The following ROBO1 variants were observed in gnomAD, a reference collection of about 807,000 sequenced individuals.
ROBO1 encodes the protein roundabout homolog 1.
In ROBO1, 149 loss-of-function variants were observed where a neutral mutation model predicts 195.9. The observed-to-expected ratio is 0.76, with a 90% CI of 0.67 to 0.87. The LOEUF is 0.87. Among genes scored for constraint, ROBO1 ranks in the 40% least tolerant of loss-of-function variants. The pLI is 0.00. For synonymous variants in ROBO1, 816 were observed against 733.2 expected, an observed-to-expected ratio of 1.11 and a Z score of -1.82; for missense variants, 1,933 against 2,068.3, an observed-to-expected ratio of 0.93 and a Z score of 1.27.
At chr3:79,725,295 C>G (rs1438484466) in intron 1 of ROBO1, among the ~76,000 whole-genome samples, 1 of 141,046 alleles carries the variant, frequency 7.1e-6, no homozygotes, top group Non-Finnish European at 1.5e-5. Context: ...GGCGCGATCT[C>G]GGCTCACTGC....
chr3:79,609,421 G>C (rs1200548616), intron 1 of ROBO1, among the ~76,000 whole-genome samples: 1 of 151,860 alleles, frequency 6.6e-6, no homozygotes, highest in African/African-American at 2.4e-5. Context: ...AAATGTGGCA[G>C]ACATTATAGA....
intron 2 of ROBO1, among the ~76,000 whole-genome samples, chr3:79,395,405 CTT>C (rs990519136): frequency 6.7e-6 from 1 of 150,240 alleles, no homozygotes; most frequent in African/African-American, 2.4e-5. Context: ...AAGCAGTACT[CTT>C]TGAAGTCTTG....
chr3:78,992,020 A>C (rs187192331), intron 3 of ROBO1, among the ~76,000 whole-genome samples: 1 of 152,362 alleles, frequency 6.6e-6, no homozygotes, highest in East Asian at 1.9e-4. Flanking sequence ...TACATTTTAA[A>C]TTATGGCTAA....
intron 2 of ROBO1, among the ~76,000 whole-genome samples, chr3:79,471,454 T>A (rs1316114813): frequency 1.3e-5 from 2 of 152,278 alleles, no homozygotes; most frequent in African/African-American, 2.4e-5. Context: ...ATATTATGAA[T>A]TCATTGATTT....
chr3:78,670,372 AGTT>A (rs777697475), intron 10 of ROBO1, 71 bp from the exon 11 acceptor site: 4 of 1,305,234 alleles, frequency 3.1e-6, no homozygotes, highest in South Asian at 2.6e-5. Context: ...AAGCAACAGC[AGTT>A]GTTCTAGGCT....
chr3:79,065,126 T>C (rs1450938891), intron 3 of ROBO1, among the ~76,000 whole-genome samples: 2 of 151,966 alleles, frequency 1.3e-5, no homozygotes, highest in Admixed American at 1.3e-4. Context: ...ACTCACTTGT[T>C]ACATGAGTTA....
chr3:79,117,916 C>T lies in ROBO1; in HGVS notation c.172+7540G>A, dbSNP rs2080037927. Reference sequence around the variant, plus strand: ...AGATTAGGAAGGGTTAGCCAATTGTCTTCTGGTTTTCAAGAAAAATTTGTA... The same window carrying T: ...AGATTAGGAAGGGTTAGCCAATTGTTTTCTGGTTTTCAAGAAAAATTTGTA... On this transcript the variant is annotated intron_variant, in intron 3 of 30. Transcript: ENST00000464233. Among the ~76,000 whole-genome samples, 3 of 152,176 alleles carry T rather than the reference C, an allele frequency of 2.0e-5. No individual in the cohort carries two copies. The South Asian group carries it at 6.2e-4, about 31-fold the overall frequency.
At position 78,941,730 on chromosome 3, in the gene ROBO1, T is replaced by C. The variant is rs75976545; in HGVS notation, c.173-2803A>G. Among the ~76,000 whole-genome samples, 1,115 of 152,248 alleles carry C rather than the reference T, an allele frequency of 7.3e-3. 12 individuals are homozygous for C. Among genetic ancestry groups the C allele is most frequent in the African/African-American group, 0.026 (1,075 of 41,542 alleles). ...GAGTATGTGGTACACTTGTGGGACC[T>C]GCAAGCTGCTTAGTATGGCCTGAGT... On this transcript the variant is annotated intron_variant, in intron 3 of 30. Transcript: ENST00000464233.
At chr3:79,427,135 G>A (rs1430723687) in intron 2 of ROBO1, among the ~76,000 whole-genome samples, 2 of 152,024 alleles carry the variant, frequency 1.3e-5, no homozygotes, top group Non-Finnish European at 2.9e-5. Flanking sequence ...TATAAATTTA[G>A]ATCTTTTACA....
intron 3 of ROBO1, among the ~76,000 whole-genome samples, chr3:79,072,399 T>C (rs1426462413): frequency 5.9e-5 from 9 of 151,886 alleles, no homozygotes; most frequent in Non-Finnish European, 1.0e-4. Flanking sequence ...ATATATTACT[T>C]TGGGAGGGTG....
intron 1 of ROBO1, among the ~76,000 whole-genome samples, chr3:79,711,924 C>CGGGGGGGGGG (rs1702290911): frequency 2.4e-4 from 1 of 4,128 alleles, no homozygotes; most frequent in Non-Finnish European, 6.2e-4. Flanking sequence ...GGGGGATGGG[C>CGGGGGGGGGG]GGGTGGGTGG....
At chr3:79,139,110 T>C (rs1209401928) in intron 2 of ROBO1, among the ~76,000 whole-genome samples, 5 of 151,554 alleles carry the variant, frequency 3.3e-5, no homozygotes, top group African/African-American at 1.2e-4. Context: ...AGATACCTAA[T>C]ATATATTTAA....
chr3:79,368,820 C>T (rs2036071889), intron 2 of ROBO1, among the ~76,000 whole-genome samples: 1 of 152,044 alleles, frequency 6.6e-6, no homozygotes, highest in Admixed American at 6.5e-5. Context: ...TAAATGCAGG[C>T]GGGACCTGCT....
At chr3:78,678,791 T>TAGAAAG (rs1369163558) in intron 10 of ROBO1, among the ~76,000 whole-genome samples, 3 of 152,012 alleles carry the variant, frequency 2.0e-5, no homozygotes, top group African/African-American at 7.3e-5. Context: ...TTCCAAACAA[T>TAGAAAG]AGAAAGAGAG....
At chr3:79,412,493 C>T (rs1365586226) in intron 2 of ROBO1, among the ~76,000 whole-genome samples, 2 of 152,130 alleles carry the variant, frequency 1.3e-5, no homozygotes, top group Non-Finnish European at 2.9e-5. Context: ...AAACACACCT[C>T]ACTTCATTTC....
chr3:78,818,303 G>T (rs2030374797), intron 4 of ROBO1, among the ~76,000 whole-genome samples: 1 of 152,142 alleles, frequency 6.6e-6, no homozygotes, highest in Non-Finnish European at 1.5e-5. Flanking sequence ...TGAGGCCAGT[G>T]CTCTGCAGCA....
Position 78,714,437 on chromosome 3 carries a change from C to T in ROBO1, c.1005G>A (p.Met335Ile). 6.2e-7 allele frequency: 1 copy of T among 1,613,190 alleles called. No individual in the cohort carries two copies. The highest frequency in any genetic ancestry group is 1.3e-5 in the African/African-American group (1 of 75,008). Residue 335 changes from methionine to isoleucine, a missense_variant, in exon 8 of 31, where the codon ATG (methionine) becomes ATA (isoleucine). Around this residue, in one of 3 missense-constraint regions of ROBO1, gnomAD observed 1,737 missense variants for 1,882.5 expected, o/e 0.92. Coordinates refer to ENST00000464233, the MANE Select transcript of ROBO1 (RefSeq NM_002941.4). ...MGSYTCVAEN[M>I]VGKAEASATL... ...TAGCAGATGCTTCAGCTTTGCCCAC[C>T]ATATTTTCTGCAACACAAGTGTATG...
At chr3:78,667,564 C>A (rs1267884873) in intron 14 of ROBO1, among the ~76,000 whole-genome samples, 2 of 151,990 alleles carry the variant, frequency 1.3e-5, no homozygotes, top group Non-Finnish European at 2.9e-5. Flanking sequence ...CCACAGCCAC[C>A]CTACTACCCT....
intron 4 of ROBO1, among the ~76,000 whole-genome samples, chr3:78,898,197 TTAAA>T (rs2037355936): frequency 6.7e-6 from 1 of 149,552 alleles, no homozygotes; most frequent in Admixed American, 6.7e-5. Flanking sequence ...ATAATTAGCT[TTAAA>T]TAAATTTATA....
Sources: allele counts gnomAD v4.1 joint callset (sites outside exome capture counted in the v4.1 genomes callset), GRCh38; gene constraint gnomAD v4.1.1; regional missense constraint gnomAD v4.1.1; transcripts MANE v1.5; gene names NCBI Gene and HGNC (gene_info 2026-07-23, HGNC 2026-07-21).